Variants in TTLL6 observed in about 807,000 individuals in gnomAD.
The protein encoded by TTLL6 is tubulin polyglutamylase TTLL6.
A neutral mutation model predicts 96.4 loss-of-function variants in TTLL6; 75 were observed. The ratio of observed to expected loss-of-function variants is 0.78; its 90% confidence interval spans 0.65 to 0.94. The LOEUF is 0.94. TTLL6 is among the 40% of genes least tolerant of loss of function. The pLI, the probability that TTLL6 is intolerant of heterozygous loss-of-function variation, is 0.00. For missense variants in TTLL6, 1,030 were observed against 1,093.0 expected, an observed-to-expected ratio of 0.94 and a Z score of 0.81; for synonymous variants, 411 against 419.4, an observed-to-expected ratio of 0.98 and a Z score of 0.24.
At position 48,762,559 on chromosome 17, in the gene TTLL6, A is replaced by G. The variant is rs1436599635; in HGVS notation, c.*415T>C. 4.0e-5 allele frequency: 7 copies of G among 175,808 alleles called. No individual in the cohort carries two copies. The highest frequency in any genetic ancestry group is 8.4e-5 in the Non-Finnish European group (7 of 83,120). The allele number at this position is 175,808 out of a possible 1,614,324, so 10.9% of individuals were successfully genotyped here. ...TCTTTTATCTTGGAGACGAAGACCAACTGGCATAGTTCTGTTGGTGGACTG... is the reference window on the plus strand; with the variant it reads ...TCTTTTATCTTGGAGACGAAGACCAGCTGGCATAGTTCTGTTGGTGGACTG... On this transcript the variant is annotated 3_prime_UTR_variant, in exon 16 of 16. Coordinates refer to ENST00000393382, the MANE Select transcript of TTLL6 (RefSeq NM_001130918.3).
intron 13 of TTLL6, among the ~76,000 whole-genome samples, chr17:48,784,111 TAAG>T (rs1282525394): frequency 9.2e-5 from 14 of 152,100 alleles, no homozygotes; most frequent in Admixed American, 9.2e-4. Context: ...GGTGTCCTTA[TAAG>T]AAGGCCATGT....
chr17:48,773,402 G>A (rs2038790916), intron 13 of TTLL6, among the ~76,000 whole-genome samples: 1 of 152,126 alleles, frequency 6.6e-6, no homozygotes, highest in Non-Finnish European at 1.5e-5. Context: ...CTCTTTAGAT[G>A]GTATAAATCT....
At chr17:48,801,221 G>T (rs1374426470) in intron 5 of TTLL6, 34 bp downstream of exon 5, 2 of 1,536,632 alleles carry the variant, frequency 1.3e-6, no homozygotes. Flanking sequence ...GGGGAGGGGA[G>T]TGGAGAAGGA....
chr17:48,810,194 G>A (rs1479710240), intron 1 of TTLL6, among the ~76,000 whole-genome samples: 1 of 150,704 alleles, frequency 6.6e-6, no homozygotes, highest in Non-Finnish European at 1.5e-5. Flanking sequence ...AATTATGTTT[G>A]CTCTTGCATG....
chr17:48,807,149 G>A (rs531966076), intron 1 of TTLL6, among the ~76,000 whole-genome samples: 7 of 151,686 alleles, frequency 4.6e-5, no homozygotes, highest in African/African-American at 7.3e-5. Context: ...GTGCAATGGC[G>A]CCATCTCGGC....
intron 11 of TTLL6, among the ~76,000 whole-genome samples, chr17:48,786,771 C>A (rs1361961786): frequency 1.3e-5 from 2 of 151,372 alleles, no homozygotes; most frequent in African/African-American, 4.9e-5. Context: ...CATAATATAG[C>A]AGAAATAACT....
intron 13 of TTLL6, among the ~76,000 whole-genome samples, chr17:48,771,199 G>A (rs1002094873): frequency 1.3e-5 from 2 of 152,128 alleles, no homozygotes; most frequent in Non-Finnish European, 2.9e-5. Flanking sequence ...CATGCTGGGG[G>A]GTGTGGAATG....
rs1289428160 is a variant in TTLL6 at position 48,784,915 on chromosome 17, CT to C, written c.2040+7del. On this transcript the variant is annotated splice_region_variant and intron_variant, in intron 13 of 15. Transcript: ENST00000393382. ...CCACTCCCTCCCAGAGCTCGGCTCA[CT>C]ACTTACCACAGTGCCAGTGAATACG... 4.3e-6 allele frequency: 7 copies of C among 1,612,234 alleles called. No homozygotes were observed. The highest frequency in any genetic ancestry group is 5.9e-6 in the Non-Finnish European group (7 of 1,179,070).
chr17:48,797,913 G>A (rs1014678342), intron 6 of TTLL6, among the ~76,000 whole-genome samples: 1 of 151,682 alleles, frequency 6.6e-6, no homozygotes, highest in African/African-American at 2.4e-5. Context: ...AGACCAGCCT[G>A]GGCAACAAAG....
rs2039485558 is a variant in TTLL6 at position 48,805,006 on chromosome 17, G to C, written c.104-15C>G. The C allele has an allele frequency of 6.5e-7, 1 of 1,544,316 alleles. No individual in the cohort carries two copies. The highest frequency in any genetic ancestry group is 2.0e-5 in the Admixed American group (1 of 50,978). ...ATACCAGGCCCCTAGAGAGAGGGCA[G>C]AGGGAGCCGCAGTTACAGAGATCCA... On this transcript the variant is annotated splice_polypyrimidine_tract_variant and intron_variant, in intron 1 of 15. Transcript: ENST00000393382.
intron 1 of TTLL6, chr17:48,815,436 G>A (rs1021490760): frequency 2.0e-5 from 3 of 152,204 alleles, no homozygotes; most frequent in Non-Finnish European, 2.9e-5. Flanking sequence ...AAGAAAAGAT[G>A]TGGAGGTAAG....
chr17:48,765,968 C>T (rs2143157797), intron 15 of TTLL6: 1 of 152,328 alleles, frequency 6.6e-6, no homozygotes, highest in Non-Finnish European at 1.5e-5. Flanking sequence ...TAAGGAACTA[C>T]TAAACTTATT....
rs1438957815 is a variant in TTLL6, at chr17:48,803,896, T to C, written c.356A>G (p.Glu119Gly). 9 of 1,552,092 alleles carry C rather than the reference T, an allele frequency of 5.8e-6. No individual in the cohort carries two copies. The East Asian group carries it at 2.2e-4, about 38-fold the overall frequency. Reference protein sequence around the residue: ...LVINLSSCRYESVRRAAQQYG... With the variant: ...LVINLSSCRYGSVRRAAQQYG... ...TCCTGAATGTAGATGCTCACCACTC[T>C]CATACCGGCAGCTGGATAGATTGAT... Residue 119 changes from glutamate to glycine, a missense_variant, in exon 3 of 16, where the codon GAG becomes GGG. Coordinates refer to ENST00000393382, the MANE Select transcript of TTLL6 (RefSeq NM_001130918.3).
intron 1 of TTLL6, among the ~76,000 whole-genome samples, chr17:48,805,527 A>G (rs1171129615): frequency 1.3e-5 from 2 of 152,190 alleles, no homozygotes; most frequent in Non-Finnish European, 2.9e-5. Flanking sequence ...CCAGATGCAG[A>G]CCTTCAGAGA....
chr17:48,814,619 G>A (rs1434089062), intron 1 of TTLL6, among the ~76,000 whole-genome samples: 1 of 152,172 alleles, frequency 6.6e-6, no homozygotes, highest in Non-Finnish European at 1.5e-5. Context: ...GGGAGGGAAT[G>A]AGCACTGGGA....
intron 15 of TTLL6, among the ~76,000 whole-genome samples, chr17:48,767,984 T>G (rs910834532): frequency 2.2e-4 from 33 of 152,330 alleles, no homozygotes; most frequent in African/African-American, 7.2e-4. Flanking sequence ...TGGTTCTACT[T>G]CTGGGATCTC....
chr17:48,791,261 G>A, intron 9 of TTLL6, 117 bp downstream of exon 9: 1 of 852,650 alleles, frequency 1.2e-6, no homozygotes, highest in Middle Eastern at 3.5e-4. Context: ...AGGCACCATG[G>A]GAGGAAGTGG....
At chr17:48,801,128 C>G in intron 5 of TTLL6, 127 bp downstream of exon 5, 1 of 842,566 alleles carries the variant, frequency 1.2e-6, no homozygotes. Flanking sequence ...CCTTCTCTTC[C>G]TGAAAAGTAG....
intron 13 of TTLL6, among the ~76,000 whole-genome samples, chr17:48,775,850 C>T (rs1026964830): frequency 6.6e-6 from 1 of 151,906 alleles, no homozygotes; most frequent in Non-Finnish European, 1.5e-5. Flanking sequence ...CTCATCCATC[C>T]ATTATTTTAA....
Sources: gnomAD v4.1 joint callset for allele counts (sites outside exome capture counted in the v4.1 genomes callset) on GRCh38, gnomAD v4.1.1 for gene constraint, MANE v1.5 for transcripts, NCBI Gene and HGNC (gene_info 2026-07-23, HGNC 2026-07-21) for gene names.